Variants in NAALADL2 observed in about 807,000 individuals in gnomAD.
The protein encoded by NAALADL2 is N-acetylated alpha-linked acidic dipeptidase like 2, also known as inactive N-acetylated-alpha-linked acidic dipeptidase-like protein 2.
NAALADL2 carries 76 observed loss-of-function variants against 87.2 expected under a neutral mutation model. The ratio of observed to expected loss-of-function variants is 0.87; its 90% CI spans 0.72 to 1.05. NAALADL2 has a LOEUF of 1.05. Among genes scored for constraint, NAALADL2 ranks in the 50% least tolerant of loss-of-function variants. The probability of loss-of-function intolerance (pLI) is 0.00; values close to 1 mark genes in which losing one functional copy is unlikely to be tolerated. For missense variants in NAALADL2, 1,089 were observed against 945.8 expected (o/e 1.15, Z -1.99); for synonymous variants, 354 against 331.0 (o/e 1.07, Z -0.75).
intron 1 of NAALADL2, among the ~76,000 whole-genome samples, chr3:174,960,119 A>G (rs929827907): frequency 4.6e-5 from 7 of 152,152 alleles, no homozygotes; most frequent in Non-Finnish European, 8.8e-5. Flanking sequence ...TAGAAATGGC[A>G]TGAACTGGCC....
At chr3:174,659,544 C>A (rs1255389897) in intron 2 of NAALADL2, among the ~76,000 whole-genome samples, 2 of 151,996 alleles carry the variant, frequency 1.3e-5, no homozygotes, top group Non-Finnish European at 2.9e-5. Flanking sequence ...TTCCTTTTTT[C>A]CTCTTTAGAT....
chr3:175,142,665 A>G (rs892748484), intron 2 of NAALADL2, among the ~76,000 whole-genome samples: 1 of 151,868 alleles, frequency 6.6e-6, no homozygotes, highest in Non-Finnish European at 1.5e-5. Context: ...ACTGCATCCT[A>G]TGTCAGGTAA....
At chr3:175,695,234 A>G (rs1300441227) in intron 11 of NAALADL2, among the ~76,000 whole-genome samples, 1 of 152,192 alleles carries the variant, frequency 6.6e-6, no homozygotes, top group African/African-American at 2.4e-5. Flanking sequence ...TACTCCTTCC[A>G]TCAGAATATT....
At chr3:175,651,696 A>G (rs1385058490) in intron 11 of NAALADL2, among the ~76,000 whole-genome samples, 1 of 152,202 alleles carries the variant, frequency 6.6e-6, no homozygotes, top group Non-Finnish European at 1.5e-5. Context: ...CCTTGACATA[A>G]CATATATATT....
intron 1 of NAALADL2, among the ~76,000 whole-genome samples, chr3:175,036,202 C>A (rs1318154700): frequency 6.6e-6 from 1 of 151,952 alleles, no homozygotes; most frequent in Non-Finnish European, 1.5e-5. Context: ...CTTCGTTTAT[C>A]TTTTTCTTAC....
At position 175,152,741 on chromosome 3, in the gene NAALADL2, A is replaced by G. The variant is rs557488492; in HGVS notation, c.545+55450A>G. On this transcript the variant is annotated intron_variant, in intron 2 of 13. Coordinates refer to ENST00000454872, the MANE Select transcript of NAALADL2 (RefSeq NM_207015.3). ...GCCAACATGGTGAAACCCTGTCTCT[A>G]TTAAAAATACAAAAAATTAGCTGGG... is the stretch of plus-strand genomic sequence containing the variant. 3.1e-3 allele frequency among the ~76,000 whole-genome samples: 476 copies of G among 152,114 alleles called. 2 individuals carry two copies. Among genetic ancestry groups the G allele is most frequent in the African/African-American group, 0.011 (461 of 41,506 alleles).
chr3:175,534,998 G>A (rs564537146), intron 9 of NAALADL2, among the ~76,000 whole-genome samples: 1 of 152,138 alleles, frequency 6.6e-6, no homozygotes, highest in African/African-American at 2.4e-5. Flanking sequence ...TACTGGCCAA[G>A]GGAAGGTTTT....
intron 3 of NAALADL2, among the ~76,000 whole-genome samples, chr3:175,254,922 A>C (rs1355088109): frequency 6.6e-6 from 1 of 152,220 alleles, no homozygotes; most frequent in East Asian, 1.9e-4. Flanking sequence ...AGTACAGCTT[A>C]ACTTTTTAGA....
rs113230141 is a variant in NAALADL2, at chr3:175,144,740, T to A, written c.545+47449T>A. On this transcript the variant is annotated intron_variant, in intron 2 of 13. Coordinates refer to ENST00000454872, the MANE Select transcript of NAALADL2 (RefSeq NM_207015.3). ...TAAATCCCTGATTTTATTTTCCTCC[T>A]GTGCCAGTTCTTGTGTTTAATGCCT... 3.4e-3 allele frequency among the ~76,000 whole-genome samples: 524 copies of A among 152,072 alleles called. 2 individuals carry two copies. The highest frequency in any genetic ancestry group is 0.012 in the African/African-American group (505 of 41,536).
chr3:175,076,603 T>C (rs1297627635), intron 1 of NAALADL2, among the ~76,000 whole-genome samples: 1 of 152,180 alleles, frequency 6.6e-6, no homozygotes, highest in Admixed American at 6.5e-5. Context: ...TCTTGGCTTG[T>C]TACTTACCTC....
At position 175,192,718 on chromosome 3, in the gene NAALADL2, T is replaced by C. The variant is rs114507775; in HGVS notation, c.546-41213T>C. On this transcript the variant is annotated intron_variant, in intron 2 of 13. Coordinates refer to ENST00000454872, the MANE Select transcript of NAALADL2 (RefSeq NM_207015.3). ...GACTAACAACGATGTTAGCCAAATA[T>C]ATCTAGAAACCATTTCCGTTGGCTC... Among the ~76,000 whole-genome samples the C allele has an allele frequency of 7.6e-3, 1,163 of 152,154 alleles. 16 individuals carry two copies. Among genetic ancestry groups the C allele is most frequent in the African/African-American group, 0.026 (1,077 of 41,572 alleles).
intron 1 of NAALADL2, among the ~76,000 whole-genome samples, chr3:174,876,156 C>A (rs1728479859): frequency 6.6e-6 from 1 of 152,068 alleles, no homozygotes; most frequent in Non-Finnish European, 1.5e-5. Flanking sequence ...ATAATACATT[C>A]TGCACAAAAT....
intron 13 of NAALADL2, among the ~76,000 whole-genome samples, chr3:175,762,956 C>T (rs1044734511): frequency 2.0e-5 from 3 of 151,956 alleles, no homozygotes; most frequent in South Asian, 2.1e-4. Flanking sequence ...TGGTGGCGGG[C>T]GCCTGTAGTC....
At chr3:175,251,964 T>C (rs895909881) in intron 3 of NAALADL2, among the ~76,000 whole-genome samples, 1 of 152,256 alleles carries the variant, frequency 6.6e-6, no homozygotes, top group Non-Finnish European at 1.5e-5. Context: ...CAAATCCTCT[T>C]ACATGCTAAA....
chr3:175,096,013 G>A (rs907752660), intron 1 of NAALADL2, among the ~76,000 whole-genome samples: 1 of 152,078 alleles, frequency 6.6e-6, no homozygotes, highest in Non-Finnish European at 1.5e-5. Flanking sequence ...TGCCACTCCT[G>A]TAGCAAGGTT....
chr3:174,722,148 C>T (rs1031479949), intron 2 of NAALADL2, among the ~76,000 whole-genome samples: 1 of 152,156 alleles, frequency 6.6e-6, no homozygotes, highest in African/African-American at 2.4e-5. Context: ...TCCTCCATCA[C>T]TCAATCCAAT....
At chr3:174,444,715 G>A (rs757895716) in intron 1 of NAALADL2, among the ~76,000 whole-genome samples, 71 of 152,138 alleles carry the variant, frequency 4.7e-4, no homozygotes, top group Admixed American at 1.4e-3. Flanking sequence ...TTCTGTTTAA[G>A]TACCAAGTGT....
Position 174,840,139 on chromosome 3 carries a change from G to GAT in NAALADL2, c.-9+102404_-9+102405dup, listed in dbSNP as rs547886171. On this transcript the variant is annotated intron_variant, in intron 3 of 3. Coordinates refer to the NAALADL2 transcript ENST00000434257. ...ATCAACGAGTGGATAAAGAAACTGT[G>GAT]ATATATATATATCTAATATATATAT... 6.2e-3 allele frequency among the ~76,000 whole-genome samples: 940 copies of GAT among 150,834 alleles called. 3 individuals carry two copies. Among genetic ancestry groups the GAT allele is most frequent in the Middle Eastern group, 0.021 (6 of 282 alleles).
intron 1 of NAALADL2, among the ~76,000 whole-genome samples, chr3:174,506,199 G>A (rs901347371): frequency 1.9e-5 from 2 of 106,572 alleles, no homozygotes; most frequent in African/African-American, 7.7e-5. Flanking sequence ...TTTTTTTTTT[G>A]ACACAGGGTC....
Sources: allele counts gnomAD v4.1 joint callset (sites outside exome capture counted in the v4.1 genomes callset), GRCh38; gene constraint gnomAD v4.1.1; transcripts MANE v1.5; gene names NCBI Gene and HGNC (gene_info 2026-07-23, HGNC 2026-07-21).